LRRFIP1: variants seen among roughly 807,000 people sequenced by gnomAD.
LRRFIP1 encodes the protein LRR binding FLII interacting protein 1.
In LRRFIP1, 62 loss-of-function variants were observed where a neutral mutation model predicts 104.4. The ratio of observed to expected loss-of-function variants is 0.59; its 90% confidence interval spans 0.48 to 0.73. The LOEUF (loss-of-function observed/expected upper bound fraction) is 0.73, where lower values mean the gene tolerates loss of function less well. Ranked by LOEUF, LRRFIP1 falls within the 30% of genes least tolerant of loss-of-function variation. The pLI is 0.00. For synonymous variants in LRRFIP1, 300 were observed against 299.0 expected (o/e 1.00, Z -0.03); for missense variants, 796 against 824.5 (o/e 0.97, Z 0.42).
chr2:237,654,807 C>T (rs1426967977), intron 1 of LRRFIP1, among the ~76,000 whole-genome samples: 2 of 152,176 alleles, frequency 1.3e-5, no homozygotes, highest in Non-Finnish European at 2.9e-5. Flanking sequence ...GCCTTGGCCT[C>T]CCAAAGTGCT....
chr2:237,666,791 C>CTCTT (rs1305287673), intron 1 of LRRFIP1, among the ~76,000 whole-genome samples: 2,083 of 50,534 alleles, frequency 0.041, 52 homozygotes, highest in African/African-American at 0.12. Context: ...CTCTTTCTTT[C>CTCTT]TCTTTCTCTT....
intron 1 of LRRFIP1, among the ~76,000 whole-genome samples, chr2:237,685,077 C>T (rs1263609962): frequency 6.6e-6 from 1 of 150,584 alleles, no homozygotes. Flanking sequence ...CAACCTGACA[C>T]TCAACAGTGT....
chr2:237,652,349 C>T (rs1329430406), intron 1 of LRRFIP1, among the ~76,000 whole-genome samples: 2 of 152,192 alleles, frequency 1.3e-5, no homozygotes, highest in Non-Finnish European at 2.9e-5. Context: ...TCACCAAGGG[C>T]ACCAGTGCCA....
chr2:237,764,221 A>T, intron 19 of LRRFIP1: 1 of 1,612,902 alleles, frequency 6.2e-7, no homozygotes, highest in South Asian at 1.1e-5. Flanking sequence ...TGTAAGTAGA[A>T]TGTTCTAAAT....
In LRRFIP1 at chr2:237,703,177, C is replaced by T. The variant is rs1376923196; in HGVS notation, c.97-5367C>T. Among the ~76,000 whole-genome samples, 1 of 152,156 alleles carries T rather than the reference C, an allele frequency of 6.6e-6. No individual in the cohort carries two copies. Among genetic ancestry groups the T allele is most frequent in the African/African-American group, 2.4e-5 (1 of 41,426 alleles). Reference sequence around the variant, plus strand: ...GATGGGAGGGAAAGAATGACTCAACCTGCAGGCCGTCTGGGGTATGCACAG... The same window carrying T: ...GATGGGAGGGAAAGAATGACTCAACTTGCAGGCCGTCTGGGGTATGCACAG... On this transcript the variant is annotated intron_variant, in intron 1 of 23. Transcript: ENST00000308482. The surrounding 1 kb of genome is among the most constrained non-coding windows in gnomAD (Gnocchi z 4.3).
At chr2:237,671,992 A>G (rs962643791) in intron 1 of LRRFIP1, among the ~76,000 whole-genome samples, 5 of 151,196 alleles carry the variant, frequency 3.3e-5, no homozygotes, top group East Asian at 1.9e-4. Flanking sequence ...TCTTTTCCTT[A>G]TTTCCACTTC....
At position 237,649,133 on chromosome 2, in the gene LRRFIP1, C is replaced by T. The variant is rs538826582; in HGVS notation, c.96+21393C>T. ...GAGGTGCTGGGCCATGGTTTGGAAG[C>T]TCGCATGGTCCCAGCCTCAGAGCCC... On this transcript the variant is annotated intron_variant, in intron 1 of 23. Coordinates refer to ENST00000308482, the MANE Select transcript of LRRFIP1 (RefSeq NM_001137550.2). This position sits in a 1 kb window ranked among gnomAD's most constrained non-coding sequence, Gnocchi z 4.1. 1.6e-4 allele frequency among the ~76,000 whole-genome samples: 25 copies of T among 151,900 alleles called. No individual in the cohort carries two copies. The highest frequency in any genetic ancestry group is 6.0e-4 in the African/African-American group (25 of 41,532).
At chr2:237,771,567 C>A (rs867310244) in intron 20 of LRRFIP1, among the ~76,000 whole-genome samples, 6 of 88,276 alleles carry the variant, frequency 6.8e-5, no homozygotes, top group Non-Finnish European at 1.1e-4. Flanking sequence ...CCCCCCCCCG[C>A]CCAGATACCA....
intron 1 of LRRFIP1, among the ~76,000 whole-genome samples, chr2:237,671,138 A>G (rs2090280305): frequency 6.6e-6 from 1 of 152,226 alleles, no homozygotes; most frequent in Non-Finnish European, 1.5e-5. Context: ...TCAGCTTCGA[A>G]TGACCATTAC....
rs1559631042 is a variant in LRRFIP1 at position 237,711,714 on chromosome 2, G to A, written c.184-2545G>A. Among the ~76,000 whole-genome samples the A allele has an allele frequency of 6.6e-6, 1 of 152,184 alleles. No individual in the cohort carries two copies. The highest frequency in any genetic ancestry group is 1.5e-5 in the Non-Finnish European group (1 of 68,030). ...TGGAATGAGAGCCTGGGAAGGTGGG[G>A]GACATGTCAGGAGGGGCAGAGAAAT... On this transcript the variant is annotated intron_variant, in intron 2 of 23. Transcript: ENST00000308482. This position sits in a 1 kb window ranked among gnomAD's most constrained non-coding sequence, Gnocchi z 4.4.
At chr2:237,739,407 C>G in intron 11 of LRRFIP1, 98 bp downstream of exon 11, 1 of 1,024,012 alleles carries the variant, frequency 9.8e-7, no homozygotes, top group South Asian at 1.5e-5. Flanking sequence ...GAATATTACT[C>G]TGCGGTGATA....
intron 1 of LRRFIP1, among the ~76,000 whole-genome samples, chr2:237,663,540 G>A (rs1377939709): frequency 6.6e-6 from 1 of 152,178 alleles, no homozygotes; most frequent in Admixed American, 6.5e-5. Context: ...CTTGATCTTG[G>A]GCTTCACAGC....
At chr2:237,696,296 A>AT (rs2093180921) in intron 1 of LRRFIP1, among the ~76,000 whole-genome samples, 1 of 152,006 alleles carries the variant, frequency 6.6e-6, no homozygotes, top group Admixed American at 6.6e-5. Context: ...TGGCTGTGTG[A>AT]TTTTCCTAGG....
intron 14 of LRRFIP1, 57 bp downstream of exon 14, chr2:237,751,328 A>C: frequency 7.4e-7 from 1 of 1,354,618 alleles, no homozygotes; most frequent in Non-Finnish European, 1.0e-6. Flanking sequence ...CTTAAAAAAA[A>C]AAACAACATC....
intron 3 of LRRFIP1, 21 bp downstream of exon 3, chr2:237,714,297 T>A: frequency 1.3e-6 from 2 of 1,593,386 alleles, no homozygotes; most frequent in Non-Finnish European, 1.7e-6. Flanking sequence ...CTTTCTTTAT[T>A]TTCTAACTTG....
chr2:237,670,224 G>A (rs188693601), intron 1 of LRRFIP1, among the ~76,000 whole-genome samples: 5 of 151,792 alleles, frequency 3.3e-5, no homozygotes, highest in Non-Finnish European at 7.4e-5. Flanking sequence ...ACAGGAGGTC[G>A]TCCTGCACCG....
chr2:237,635,033 C>G (rs558981549), intron 1 of LRRFIP1, among the ~76,000 whole-genome samples: 2 of 152,278 alleles, frequency 1.3e-5, no homozygotes, highest in South Asian at 4.1e-4. Flanking sequence ...CTTTTACCCC[C>G]TTTTTATTGT....
intron 1 of LRRFIP1, among the ~76,000 whole-genome samples, chr2:237,681,828 C>T (rs1395843243): frequency 6.7e-6 from 1 of 148,576 alleles, no homozygotes; most frequent in Non-Finnish European, 1.5e-5. Context: ...TACAGGCGCC[C>T]GCCACTACGC....
intron 1 of LRRFIP1, among the ~76,000 whole-genome samples, chr2:237,656,441 T>C (rs2086829296): frequency 6.6e-6 from 1 of 152,256 alleles, no homozygotes; most frequent in Non-Finnish European, 1.5e-5. Context: ...CATGTCTATC[T>C]AAATACTTGC....
Sources: gnomAD v4.1 joint callset for allele counts (sites outside exome capture counted in the v4.1 genomes callset) on GRCh38, gnomAD v4.1.1 for gene constraint, Gnocchi (gnomAD v3.1) non-coding constraint, MANE v1.5 for transcripts, NCBI Gene and HGNC (gene_info 2026-07-23, HGNC 2026-07-21) for gene names.